Variants in SLC37A1 observed in about 807,000 individuals in gnomAD.
SLC37A1 encodes the protein solute carrier family 37 member 1.
In SLC37A1, 49 loss-of-function variants were observed where a neutral mutation model predicts 75.3. The ratio of observed to expected loss-of-function variants is 0.65; its 90% CI spans 0.52 to 0.83. SLC37A1 has a LOEUF of 0.83. Among genes scored for constraint, SLC37A1 ranks in the 40% least tolerant of loss-of-function variants. The pLI, the probability that SLC37A1 is intolerant of heterozygous loss-of-function variation, is 0.00. For missense variants in SLC37A1, 566 were observed against 695.0 expected (o/e 0.81, Z 2.09); for synonymous variants, 268 against 292.1 (o/e 0.92, Z 0.84).
intron 17 of SLC37A1, among the ~76,000 whole-genome samples, chr21:42,571,400 C>G (rs950509070): frequency 3.3e-5 from 5 of 152,210 alleles, no homozygotes; most frequent in African/African-American, 9.7e-5. Flanking sequence ...ACATTTCATG[C>G]AGAGCAATTA....
chr21:42,552,910 CT>C lies in SLC37A1; in HGVS notation c.769-1151del, dbSNP rs1411357565. On this transcript the variant is annotated intron_variant, in intron 9 of 19. Transcript: ENST00000352133. This position sits in a 1 kb window ranked among gnomAD's most constrained non-coding sequence, Gnocchi z 4.2. ...CTGCCTGGAATGGTCGGATGATAAA[CT>C]GGCCAGATAATCACCCCTAGCCTGG... Among the ~76,000 whole-genome samples, 1 of 152,234 alleles carries C rather than the reference CT, an allele frequency of 6.6e-6. No homozygotes were observed. The highest frequency in any genetic ancestry group is 1.5e-5 in the Non-Finnish European group (1 of 68,032).
At chr21:42,534,273 A>G (rs1188163397) in intron 3 of SLC37A1, among the ~76,000 whole-genome samples, 1 of 152,026 alleles carries the variant, frequency 6.6e-6, no homozygotes, top group Non-Finnish European at 1.5e-5. Flanking sequence ...TGTTGCCTGG[A>G]CCTGTAACTT....
At chr21:42,559,123 G>C (rs371163341) in intron 11 of SLC37A1, 34 bp downstream of exon 11, 21 of 1,597,262 alleles carry the variant, frequency 1.3e-5, no homozygotes, top group South Asian at 3.4e-5. Flanking sequence ...GTTTCAGAAA[G>C]GGCTGCTGTG....
chr21:42,576,963 C>T (rs2056321663), intron 18 of SLC37A1, among the ~76,000 whole-genome samples: 1 of 152,122 alleles, frequency 6.6e-6, no homozygotes, highest in Admixed American at 6.5e-5. Context: ...AGATGATAGA[C>T]TGGATTTGAA....
intron 17 of SLC37A1, among the ~76,000 whole-genome samples, chr21:42,571,751 T>C (rs1309250448): frequency 6.7e-6 from 1 of 149,360 alleles, no homozygotes; most frequent in African/African-American, 2.5e-5. Flanking sequence ...AGAAACAAAC[T>C]TTAATTATGC....
intron 17 of SLC37A1, among the ~76,000 whole-genome samples, chr21:42,572,973 G>T (rs1569045227): frequency 6.6e-6 from 1 of 152,176 alleles, no homozygotes; most frequent in African/African-American, 2.4e-5. Context: ...CAGGCAGTGG[G>T]ACCCTGCGGA....
At chr21:42,575,696 T>C (rs2147068672) in intron 18 of SLC37A1, 1 of 985,456 alleles carries the variant, frequency 1.0e-6, no homozygotes, top group East Asian at 1.1e-4. Flanking sequence ...CTGATCCCAA[T>C]AAAAATGAGT....
chr21:42,539,237 A>G (rs1456092911), intron 5 of SLC37A1, among the ~76,000 whole-genome samples: 1 of 152,246 alleles, frequency 6.6e-6, no homozygotes, highest in African/African-American at 2.4e-5. Context: ...ATTGGCAGCT[A>G]TCATAGATAA....
chr21:42,579,678 C>T (rs940338906), intron 18 of SLC37A1, 58 bp from the exon 19 acceptor site: 14 of 1,596,326 alleles, frequency 8.8e-6, no homozygotes, highest in Admixed American at 1.7e-5. Flanking sequence ...GTGCCCACGG[C>T]GCGGGCCGCC....
At chr21:42,556,743 G>A (rs2055701181) in intron 10 of SLC37A1, among the ~76,000 whole-genome samples, 1 of 152,164 alleles carries the variant, frequency 6.6e-6, no homozygotes, top group African/African-American at 2.4e-5. Context: ...TCCACCCAGT[G>A]GCTTCTTGTT....
At chr21:42,536,177 G>A (rs2055133235) in intron 5 of SLC37A1, among the ~76,000 whole-genome samples, 1 of 152,334 alleles carries the variant, frequency 6.6e-6, no homozygotes, top group South Asian at 2.1e-4. Flanking sequence ...ACACCAGCTG[G>A]GATCTGAACC....
In SLC37A1 at chr21:42,576,798, G is replaced by A. The variant is rs569057338; in HGVS notation, c.1521+1883G>A. On this transcript the variant is annotated intron_variant, in intron 18 of 19. Transcript: ENST00000352133. ...GGGTTAGAAAAGCAAATTAGATACC[G>A]CTGAAGAGAAGATTACTGAAGTGAA... Among the ~76,000 whole-genome samples, 19 of 152,214 alleles carry A rather than the reference G, an allele frequency of 1.2e-4. No individual in the cohort carries two copies. In the South Asian group the frequency reaches 3.1e-3, roughly 25 times the overall value.
chr21:42,535,593 C>A, intron 5 of SLC37A1, 43 bp downstream of exon 5: 3 of 1,540,980 alleles, frequency 1.9e-6, no homozygotes, highest in Non-Finnish European at 2.7e-6. Flanking sequence ...GGTTACCTGG[C>A]CCCTCCGTGC....
rs1255714207 is a variant in SLC37A1 at position 42,539,666 on chromosome 21, G to A, written c.486+19G>A. 1 of 1,605,730 alleles carries A rather than the reference G, an allele frequency of 6.2e-7. No homozygotes were observed. Among genetic ancestry groups the A allele is most frequent in the East Asian group, 2.3e-5 (1 of 44,282 alleles). ...AACTCAGGTAAGGGTTTGGATCCGT[G>A]GCTCACCATGTACGGGGTTTCCTTG... On this transcript the variant is annotated intron_variant, in intron 6 of 19. Transcript: ENST00000352133.
chr21:42,522,393 C>T (rs1270757957), intron 2 of SLC37A1, among the ~76,000 whole-genome samples: 1 of 152,110 alleles, frequency 6.6e-6, no homozygotes, highest in African/African-American at 2.4e-5. Flanking sequence ...GGGTTTGAGC[C>T]CATCCATGCT....
upstream of SLC37A1, among the ~76,000 whole-genome samples, chr21:42,509,059 C>T (rs938098749): frequency 6.6e-6 from 1 of 152,152 alleles, no homozygotes; most frequent in Admixed American, 6.5e-5. This position sits in a 1 kb window ranked among gnomAD's most constrained non-coding sequence, Gnocchi z 4.2. Context: ...AAATATCATG[C>T]CAATAGTTTT....
At chr21:42,556,784 CCT>C (rs920814621) in intron 10 of SLC37A1, among the ~76,000 whole-genome samples, 4 of 151,810 alleles carry the variant, frequency 2.6e-5, no homozygotes, top group African/African-American at 7.3e-5. Flanking sequence ...GCAGCAGCCC[CCT>C]GTTTGTTTTG....
intron 10 of SLC37A1, among the ~76,000 whole-genome samples, chr21:42,555,051 T>G (rs896418840): frequency 6.6e-6 from 1 of 150,556 alleles, no homozygotes; most frequent in African/African-American, 2.4e-5. Flanking sequence ...AGTGGCATGA[T>G]CTCGGCTCAC....
intron 10 of SLC37A1, 36 bp downstream of exon 10, chr21:42,554,178 G>C: frequency 6.3e-7 from 1 of 1,593,514 alleles, no homozygotes; most frequent in Non-Finnish European, 8.6e-7. Context: ...CTAGAATGTC[G>C]GAGCTGCAGG....
Sources: gnomAD v4.1 joint callset for allele counts (sites outside exome capture counted in the v4.1 genomes callset) on GRCh38, gnomAD v4.1.1 for gene constraint, Gnocchi (gnomAD v3.1) non-coding constraint, MANE v1.5 for transcripts, NCBI Gene and HGNC (gene_info 2026-07-23, HGNC 2026-07-21) for gene names.